SLC49A4: variants seen among roughly 807,000 people sequenced by gnomAD.
The protein encoded by SLC49A4 is solute carrier family 49 member 4, also known as disrupted in renal cancer protein 2.
Under a neutral mutation model 50.6 loss-of-function variants are expected in SLC49A4, and 36 were observed. That is an observed-to-expected ratio of 0.71 (90% CI 0.55 to 0.94). The LOEUF (loss-of-function observed/expected upper bound fraction) is 0.94, where lower values mean the gene tolerates loss of function less well. Ranked by LOEUF, SLC49A4 falls within the 40% of genes least tolerant of loss-of-function variation. SLC49A4 has a pLI of 0.00. For missense variants in SLC49A4, 503 were observed against 605.7 expected (o/e 0.83, Z 1.78); for synonymous variants, 248 against 241.2 (o/e 1.03, Z -0.26).
At chr3:122,806,628 G>C (rs968072884) in intron 1 of SLC49A4, among the ~76,000 whole-genome samples, 1 of 151,598 alleles carries the variant, frequency 6.6e-6, no homozygotes, top group Non-Finnish European at 1.5e-5. Flanking sequence ...TGCCCACCTC[G>C]GCCTCTCAAA....
At chr3:122,817,482 G>A (rs1356963806) in intron 2 of SLC49A4, among the ~76,000 whole-genome samples, 3 of 152,138 alleles carry the variant, frequency 2.0e-5, no homozygotes, top group Admixed American at 1.3e-4. Context: ...TAACCACTGA[G>A]TTTGTGGTAA....
At chr3:122,835,362 C>G (rs146266524) in intron 4 of SLC49A4, among the ~76,000 whole-genome samples, 1 of 151,986 alleles carries the variant, frequency 6.6e-6, no homozygotes, top group Non-Finnish European at 1.5e-5. Flanking sequence ...ATCATAGATA[C>G]AAAAATCCTT....
At chr3:122,812,935 A>G (rs1936318722) in intron 2 of SLC49A4, among the ~76,000 whole-genome samples, 1 of 152,154 alleles carries the variant, frequency 6.6e-6, no homozygotes, top group Non-Finnish European at 1.5e-5. Flanking sequence ...CATGATAAGC[A>G]TTTAAGAGGG....
At position 122,872,457 on chromosome 3, in the gene SLC49A4, A is replaced by C. The variant is rs1354524901; in HGVS notation, c.1181A>C (p.Asn394Thr). 2 of 1,614,048 alleles carry C rather than the reference A, an allele frequency of 1.2e-6. No individual in the cohort carries two copies. Among genetic ancestry groups the C allele is most frequent in the Admixed American group, 1.7e-5 (1 of 60,002 alleles). Residue 394 changes from asparagine (N) to threonine (T), a missense_variant, in exon 8 of 9, where the codon AAT becomes ACT. Physicochemically the swap from Asn to Thr is moderately conservative, Grantham distance 65. Coordinates refer to ENST00000261038, the MANE Select transcript of SLC49A4 (RefSeq NM_032839.3). ...ASCILLGVFL[N>T]SSVPIFFELF... ...TGTATTCTCCTGGGAGTGTTCTTGA[A>C]TAGCAGCGTGCCTATATTTTTTGAG...
intron 2 of SLC49A4, among the ~76,000 whole-genome samples, chr3:122,818,738 G>A (rs1936411275): frequency 6.6e-6 from 1 of 152,074 alleles, no homozygotes; most frequent in South Asian, 2.1e-4. Context: ...GAGGCCAGGA[G>A]TTCAAGAGCA....
chr3:122,809,914 G>A (rs1301808334), intron 2 of SLC49A4, among the ~76,000 whole-genome samples: 3 of 152,180 alleles, frequency 2.0e-5, no homozygotes, highest in Non-Finnish European at 2.9e-5. Context: ...TATCTTTTAA[G>A]CAGTGTTGTT....
chr3:122,835,615 A>G (rs900948051), intron 4 of SLC49A4, among the ~76,000 whole-genome samples: 1 of 152,202 alleles, frequency 6.6e-6, no homozygotes, highest in African/African-American at 2.4e-5. Flanking sequence ...ACTTCAAAAT[A>G]AAAGCTGTAT....
At chr3:122,865,427 T>G (rs1937105260) in intron 7 of SLC49A4, among the ~76,000 whole-genome samples, 1 of 152,226 alleles carries the variant, frequency 6.6e-6, no homozygotes, top group South Asian at 2.1e-4. Flanking sequence ...TACTGCGTAT[T>G]TTAATCAGAA....
intron 2 of SLC49A4, among the ~76,000 whole-genome samples, chr3:122,822,440 T>C (rs190236122): frequency 4.9e-4 from 74 of 152,354 alleles, no homozygotes; most frequent in Middle Eastern, 6.8e-3. Context: ...TTTTTATTCC[T>C]GCATCTGTTT....
intron 7 of SLC49A4, among the ~76,000 whole-genome samples, chr3:122,862,898 G>A (rs933544061): frequency 4.6e-5 from 7 of 151,792 alleles, no homozygotes; most frequent in South Asian, 2.1e-4. Flanking sequence ...TTTTATAATC[G>A]GAAAAATGCA....
chr3:122,842,480 C>T (rs1222817796), intron 4 of SLC49A4, among the ~76,000 whole-genome samples: 7 of 92,946 alleles, frequency 7.5e-5, no homozygotes, highest in South Asian at 4.1e-4. Flanking sequence ...AGCGAGACTC[C>T]GTCTCAAAAA....
chr3:122,841,295 T>C (rs1267673715), intron 4 of SLC49A4, among the ~76,000 whole-genome samples: 3 of 152,240 alleles, frequency 2.0e-5, no homozygotes, highest in African/African-American at 7.2e-5. Context: ...TTGCCGTTCA[T>C]TGTGAAGTTT....
intron 1 of SLC49A4, among the ~76,000 whole-genome samples, chr3:122,802,745 A>G (rs762172317): frequency 3.9e-5 from 6 of 152,234 alleles, no homozygotes; most frequent in Non-Finnish European, 8.8e-5. Context: ...GACGAAAAAT[A>G]TAATCAATGT....
chr3:122,878,842 T>A (rs907773751), intron 8 of SLC49A4, among the ~76,000 whole-genome samples: 1 of 152,234 alleles, frequency 6.6e-6, no homozygotes, highest in Non-Finnish European at 1.5e-5. Context: ...ATAAAAGTGT[T>A]ATTTCAAAAT....
At chr3:122,803,317 G>A (rs1936160605) in intron 1 of SLC49A4, among the ~76,000 whole-genome samples, 1 of 152,192 alleles carries the variant, frequency 6.6e-6, no homozygotes, top group African/African-American at 2.4e-5. Flanking sequence ...TTGGAGAAGA[G>A]CTTCAGGAAG....
At chr3:122,819,370 C>T (rs1936420219) in intron 2 of SLC49A4, among the ~76,000 whole-genome samples, 1 of 151,980 alleles carries the variant, frequency 6.6e-6, no homozygotes, top group African/African-American at 2.4e-5. Flanking sequence ...AAGCTAAGCC[C>T]TGTGATAGCT....
At chr3:122,818,184 GTATAA>G (rs1273508494) in intron 2 of SLC49A4, among the ~76,000 whole-genome samples, 8 of 152,026 alleles carry the variant, frequency 5.3e-5, no homozygotes, top group Non-Finnish European at 8.8e-5. Context: ...TTATATATCT[GTATAA>G]TATAATATCA....
At chr3:122,869,287 G>A (rs1937163653) in intron 7 of SLC49A4, among the ~76,000 whole-genome samples, 1 of 152,012 alleles carries the variant, frequency 6.6e-6, no homozygotes, top group Non-Finnish European at 1.5e-5. Context: ...TTCTCCCAGG[G>A]AATTCTGTAT....
At chr3:122,875,570 T>C (rs1937255921) in intron 8 of SLC49A4, among the ~76,000 whole-genome samples, 1 of 152,108 alleles carries the variant, frequency 6.6e-6, no homozygotes, top group Admixed American at 6.5e-5. Context: ...CATGCTGGTG[T>C]TGAACTCCTG....
Sources: gnomAD v4.1 joint callset for allele counts (sites outside exome capture counted in the v4.1 genomes callset) on GRCh38, gnomAD v4.1.1 for gene constraint, MANE v1.5 for transcripts, NCBI Gene and HGNC (gene_info 2026-07-23, HGNC 2026-07-21) for gene names.